Variants in GPHN observed in about 807,000 individuals in gnomAD.
GPHN encodes the protein gephyrin.
In GPHN, 17 loss-of-function variants were observed where a neutral mutation model predicts 95.5. The observed-to-expected ratio is 0.18, with a 90% CI of 0.12 to 0.27. The LOEUF is 0.27. Ranked by LOEUF, GPHN falls within the 10% of genes least tolerant of loss-of-function variation. The pLI, the probability that GPHN is intolerant of heterozygous loss-of-function variation, is 1.00. For synonymous variants in GPHN, 320 were observed against 322.5 expected (o/e 0.99, Z 0.08); for missense variants, 660 against 978.1 (o/e 0.67, Z 4.34).
chr14:67,628,059 G>C, the GPHN span, among the ~76,000 whole-genome samples: 1 of 152,172 alleles, frequency 6.6e-6, no homozygotes, highest in Non-Finnish European at 1.5e-5. Flanking sequence ...CAGTGCCCTT[G>C]GGGGATGGGC....
chr14:66,555,326 G>C (rs2059966278), intron 1 of GPHN, among the ~76,000 whole-genome samples: 1 of 151,962 alleles, frequency 6.6e-6, no homozygotes, highest in Non-Finnish European at 1.5e-5. Flanking sequence ...CTCCTTTTCT[G>C]TATTGATACA....
At chr14:67,376,581 A>T in the GPHN span, 1 of 1,613,678 alleles carries the variant, frequency 6.2e-7, no homozygotes, top group Non-Finnish European at 8.5e-7. Context: ...GCATTTAAGC[A>T]TGCAGTCTCG....
intron 1 of GPHN, among the ~76,000 whole-genome samples, chr14:66,603,727 CT>C (rs1164048336): frequency 6.6e-6 from 1 of 151,796 alleles, no homozygotes; most frequent in Non-Finnish European, 1.5e-5. Flanking sequence ...TAAATAAATA[CT>C]TGATAAGTTA....
chr14:67,554,764 A>G, the GPHN span, among the ~76,000 whole-genome samples: 1 of 152,174 alleles, frequency 6.6e-6, no homozygotes, highest in African/African-American at 2.4e-5. Context: ...GCAGCTCTTT[A>G]GTCTTCAGCT....
At chr14:67,198,830 A>G in the GPHN span, 8 of 559,004 alleles carry the variant, frequency 1.4e-5, no homozygotes, top group Non-Finnish European at 2.6e-5. Context: ...TTCTCTAAAC[A>G]TTCAACATTA....
the GPHN span, chr14:67,203,059 A>G: frequency 6.3e-7 from 1 of 1,594,410 alleles, no homozygotes; most frequent in Non-Finnish European, 8.5e-7. Context: ...CACACATTTC[A>G]TCATATAACG....
the GPHN span, among the ~76,000 whole-genome samples, chr14:67,331,748 C>T: frequency 6.6e-6 from 1 of 152,096 alleles, no homozygotes; most frequent in East Asian, 1.9e-4. Context: ...ATTTTCATTT[C>T]AACTCCAATA....
chr14:67,502,001 T>G, the GPHN span, among the ~76,000 whole-genome samples: 1 of 152,204 alleles, frequency 6.6e-6, no homozygotes, highest in African/African-American at 2.4e-5. Context: ...GATAAAGGAC[T>G]GTGGGCCTTA....
chr14:66,809,934 G>A (rs1595978273), intron 3 of GPHN, among the ~76,000 whole-genome samples: 1 of 151,944 alleles, frequency 6.6e-6, no homozygotes, highest in Admixed American at 6.5e-5. Flanking sequence ...TGTGGAGTAG[G>A]TAATTTTCCT....
the GPHN span, among the ~76,000 whole-genome samples, chr14:67,568,007 G>A: frequency 6.6e-6 from 1 of 152,216 alleles, no homozygotes; most frequent in African/African-American, 2.4e-5. Context: ...GCCCCCTCAG[G>A]ACGGGCATTC....
chr14:66,917,886 G>A (rs1433300953), intron 6 of GPHN, among the ~76,000 whole-genome samples: 1 of 152,102 alleles, frequency 6.6e-6, no homozygotes, highest in Non-Finnish European at 1.5e-5. Flanking sequence ...CACTTCCTAA[G>A]CCATGTATTT....
At chr14:67,627,491 A>T in the GPHN span, among the ~76,000 whole-genome samples, 1 of 152,134 alleles carries the variant, frequency 6.6e-6, no homozygotes, top group East Asian at 1.9e-4. Flanking sequence ...TGAAACTGGC[A>T]TCTCTGAGGT....
chr14:67,094,456 T>G (rs139502855), intron 12 of GPHN, among the ~76,000 whole-genome samples: 413 of 152,292 alleles, frequency 2.7e-3, no homozygotes, highest in African/African-American at 9.4e-3. Flanking sequence ...GAAAAGAAAT[T>G]CATTAGCAGA....
the GPHN span, among the ~76,000 whole-genome samples, chr14:67,639,274 C>A: frequency 1.3e-5 from 2 of 152,104 alleles, no homozygotes; most frequent in Non-Finnish European, 2.9e-5. Flanking sequence ...CTTGGGTAGT[C>A]CCAAAGTTCT....
intron 11 of GPHN, among the ~76,000 whole-genome samples, chr14:67,066,620 T>C (rs2076066929): frequency 6.6e-6 from 1 of 152,314 alleles, no homozygotes; most frequent in African/African-American, 2.4e-5. Context: ...GGAGGCTTTG[T>C]TCGTTTCTTT....
chr14:67,584,887 T>C, the GPHN span, among the ~76,000 whole-genome samples: 2,418 of 152,324 alleles, frequency 0.016, 80 homozygotes, highest in African/African-American at 0.056. Context: ...AGAGGTGTTA[T>C]AAAGGCATAT....
At chr14:67,017,424 G>A (rs1442365967) in intron 9 of GPHN, among the ~76,000 whole-genome samples, 1 of 152,232 alleles carries the variant, frequency 6.6e-6, no homozygotes, top group African/African-American at 2.4e-5. Flanking sequence ...AAAGAGGCAA[G>A]TAATCTGAGT....
the GPHN span, chr14:67,690,345 G>C: frequency 1.9e-6 from 3 of 1,614,144 alleles, no homozygotes; most frequent in Non-Finnish European, 2.5e-6. Context: ...GATGTGCGAG[G>C]GAAGACACAT....
the GPHN span, among the ~76,000 whole-genome samples, chr14:67,715,505 T>C: frequency 6.6e-6 from 1 of 152,240 alleles, no homozygotes; most frequent in African/African-American, 2.4e-5. Context: ...CCCCCTGCCA[T>C]CCTGAGCACC....
Sources: gnomAD v4.1 joint callset for allele counts (sites outside exome capture counted in the v4.1 genomes callset) on GRCh38, gnomAD v4.1.1 for gene constraint, MANE v1.5 for transcripts, NCBI Gene and HGNC (gene_info 2026-07-23, HGNC 2026-07-21) for gene names.